TTC28: variants seen among roughly 807,000 people sequenced by gnomAD.
TTC28 encodes the protein tetratricopeptide repeat domain 28.
A neutral mutation model predicts 198.0 loss-of-function variants in TTC28; 61 were observed. The ratio of observed to expected loss-of-function variants is 0.31; its 90% CI spans 0.25 to 0.38. The LOEUF is 0.38. Among genes scored for constraint, TTC28 ranks in the 10% least tolerant of loss-of-function variants. The pLI is 1.00. For synonymous variants in TTC28, 1,171 were observed against 1,297.8 expected, an observed-to-expected ratio of 0.90 and a Z score of 2.10; for missense variants, 2,678 against 3,164.0, an observed-to-expected ratio of 0.85 and a Z score of 3.69.
chr22:28,029,517 C>A (rs1386074344), intron 13 of TTC28, among the ~76,000 whole-genome samples: 2 of 152,314 alleles, frequency 1.3e-5, no homozygotes, highest in East Asian at 3.9e-4. Context: ...AGAGGTCTAT[C>A]AAAATGTACT....
intron 5 of TTC28, among the ~76,000 whole-genome samples, chr22:28,257,250 G>A (rs1330017254): frequency 2.6e-5 from 4 of 151,966 alleles, no homozygotes; most frequent in African/African-American, 9.7e-5. Flanking sequence ...CCACTATTGG[G>A]TATATATCCA....
intron 2 of TTC28, among the ~76,000 whole-genome samples, chr22:28,504,357 ATGTG>A (rs750926087): frequency 6.6e-6 from 1 of 151,794 alleles, no homozygotes; most frequent in African/African-American, 2.4e-5. Context: ...CTATATAGCT[ATGTG>A]TGTGTGTGTG....
Position 28,207,242 on chromosome 22 carries a change from C to CAA in TTC28, c.934-43645_934-43644dup, listed in dbSNP as rs146874032. ...GCAGATGGAAAAAAAAAAAAAAGCA[C>CAA]AAAAAAAAACAGGCCTTCAATAAAT... is the stretch of plus-strand genomic sequence containing the variant. On this transcript the variant is annotated intron_variant, in intron 5 of 22. Coordinates refer to ENST00000397906, the MANE Select transcript of TTC28 (RefSeq NM_001145418.2). Among the ~76,000 whole-genome samples the CAA allele has an allele frequency of 1.1e-3, 159 of 141,204 alleles. 1 individual carries two copies. The South Asian group carries it at 0.031, about 27-fold the overall frequency. The allele number at this position is 141,204 out of a possible 152,430, so 92.6% of individuals were successfully genotyped here. A position where few individuals can be genotyped will look rare whatever the true frequency, so the allele number is the denominator to read the frequency against.
chr22:28,392,356 G>T (rs1386779771), intron 2 of TTC28, among the ~76,000 whole-genome samples: 6 of 152,234 alleles, frequency 3.9e-5, no homozygotes, highest in Non-Finnish European at 8.8e-5. Flanking sequence ...TCCTTGAGTT[G>T]TGGTGGGCTC....
At chr22:28,434,903 T>C (rs1027768539) in intron 2 of TTC28, among the ~76,000 whole-genome samples, 1 of 152,184 alleles carries the variant, frequency 6.6e-6, no homozygotes, top group Admixed American at 6.5e-5. Flanking sequence ...TCTGTGCTTC[T>C]ACAAGTCTCA....
At chr22:28,356,648 G>A (rs2046081227) in intron 2 of TTC28, among the ~76,000 whole-genome samples, 1 of 152,124 alleles carries the variant, frequency 6.6e-6, no homozygotes, top group Admixed American at 6.5e-5. Flanking sequence ...TGTGTGCAAG[G>A]TGCACACCCA....
In TTC28 at chr22:28,043,114, G is replaced by A. The variant is rs560096106; in HGVS notation, c.3933-12748C>T. ...CAAAAATTAGCCAGGCATGGTGGTG[G>A]GCACCTGTAATCCCAGCTACTCGGG... On this transcript the variant is annotated intron_variant, in intron 12 of 22. Transcript: ENST00000397906. Among the ~76,000 whole-genome samples the A allele has an allele frequency of 5.9e-5, 9 of 151,658 alleles. 1 individual carries two copies. Among genetic ancestry groups the A allele is most frequent in the African/African-American group, 2.2e-4 (9 of 41,370 alleles).
intron 2 of TTC28, among the ~76,000 whole-genome samples, chr22:28,392,067 A>G (rs2046732334): frequency 6.6e-6 from 1 of 151,978 alleles, no homozygotes; most frequent in Non-Finnish European, 1.5e-5. Context: ...AACAGACAGG[A>G]CCCTCAGCTG....
chr22:28,176,314 A>T (rs1923161651), intron 5 of TTC28, among the ~76,000 whole-genome samples: 1 of 152,226 alleles, frequency 6.6e-6, no homozygotes, highest in African/African-American at 2.4e-5. Flanking sequence ...CCAGACAAAG[A>T]ATGACAAATT....
chr22:28,526,725 A>G (rs555334072), intron 2 of TTC28, among the ~76,000 whole-genome samples: 1 of 152,184 alleles, frequency 6.6e-6, no homozygotes, highest in East Asian at 1.9e-4. Flanking sequence ...AGAGAGGAAG[A>G]AGCTAATCTG....
chr22:28,362,982 A>G (rs555999850), intron 2 of TTC28, among the ~76,000 whole-genome samples: 20 of 152,262 alleles, frequency 1.3e-4, no homozygotes, highest in Non-Finnish European at 2.8e-4. Flanking sequence ...AACAACAACA[A>G]CAACAACAAA....
intron 2 of TTC28, among the ~76,000 whole-genome samples, chr22:28,335,328 G>C (rs1253344055): frequency 6.6e-6 from 1 of 152,158 alleles, no homozygotes; most frequent in Non-Finnish European, 1.5e-5. Context: ...GGATTGACTT[G>C]GCAATGCGGG....
At chr22:28,089,140 T>C (rs1941727106) in intron 12 of TTC28, among the ~76,000 whole-genome samples, 1 of 152,086 alleles carries the variant, frequency 6.6e-6, no homozygotes, top group Non-Finnish European at 1.5e-5. Flanking sequence ...GAAATACCAT[T>C]TGACCCAGCC....
chr22:28,354,619 C>T (rs748215618), intron 2 of TTC28, among the ~76,000 whole-genome samples: 3 of 151,960 alleles, frequency 2.0e-5, no homozygotes, highest in Admixed American at 1.3e-4. Flanking sequence ...TTAACAGTTA[C>T]GTATGTACCT....
chr22:28,388,229 G>T (rs1601729536), intron 2 of TTC28, among the ~76,000 whole-genome samples: 1 of 152,324 alleles, frequency 6.6e-6, no homozygotes, highest in East Asian at 1.9e-4. Context: ...CCAGTACCAT[G>T]CTGTTTCAGT....
chr22:28,044,667 T>C (rs965481191), intron 12 of TTC28, among the ~76,000 whole-genome samples: 8 of 152,208 alleles, frequency 5.3e-5, no homozygotes, highest in African/African-American at 1.4e-4. Context: ...TGTGTTCTCA[T>C]TGTTCAATTC....
intron 22 of TTC28, 63 bp from the exon 23 acceptor site, chr22:27,983,914 T>C: frequency 6.8e-7 from 1 of 1,479,682 alleles, no homozygotes; most frequent in Non-Finnish European, 9.0e-7. Flanking sequence ...GATTTTTCTT[T>C]CAAAATTTAC....
chr22:28,284,792 A>T (rs1201227760), intron 5 of TTC28, among the ~76,000 whole-genome samples: 1 of 152,222 alleles, frequency 6.6e-6, no homozygotes, highest in Non-Finnish European at 1.5e-5. Flanking sequence ...AATCACAATA[A>T]GATATCACCT....
intron 2 of TTC28, among the ~76,000 whole-genome samples, chr22:28,450,965 C>G (rs569213061): frequency 6.6e-6 from 1 of 152,048 alleles, no homozygotes; most frequent in Non-Finnish European, 1.5e-5. Flanking sequence ...AAACAGAGCA[C>G]GAGGATCTTG....
Sources: gnomAD v4.1 joint callset for allele counts (sites outside exome capture counted in the v4.1 genomes callset) on GRCh38, gnomAD v4.1.1 for gene constraint, MANE v1.5 for transcripts, NCBI Gene and HGNC (gene_info 2026-07-23, HGNC 2026-07-21) for gene names.